Variants in LIPC observed in about 807,000 individuals in gnomAD.
LIPC encodes lipase C, hepatic type.
A neutral mutation model predicts 50.7 loss-of-function variants in LIPC; 44 were observed. The observed-to-expected ratio is 0.87, with a 90% confidence interval of 0.68 to 1.11. LIPC has a LOEUF of 1.11. Among genes scored for constraint, LIPC ranks in the 50% most tolerant of loss-of-function variants. The pLI is 0.00. For synonymous variants in LIPC, 271 were observed against 256.4 expected (o/e 1.06, Z -0.54); for missense variants, 697 against 648.2 (o/e 1.08, Z -0.82).
chr15:58,434,715 C>G (rs1893234563), intron 1 of LIPC, among the ~76,000 whole-genome samples: 2 of 152,226 alleles, frequency 1.3e-5, no homozygotes, highest in Admixed American at 1.3e-4. Context: ...CACTTATGCC[C>G]AGCCCCAATG....
intron 1 of LIPC, among the ~76,000 whole-genome samples, chr15:58,532,405 A>C (rs1472738280): frequency 6.6e-6 from 1 of 152,196 alleles, no homozygotes; most frequent in African/African-American, 2.4e-5. Context: ...TTCCATCCTG[A>C]GCAGAGTACA....
At chr15:58,467,400 T>C (rs1348752863) in intron 1 of LIPC, among the ~76,000 whole-genome samples, 1 of 152,186 alleles carries the variant, frequency 6.6e-6, no homozygotes, top group Non-Finnish European at 1.5e-5. Context: ...TTGCACGTAT[T>C]GGTTTCCGCT....
intron 1 of LIPC, chr15:58,435,887 G>C (rs1383120566): frequency 1.3e-5 from 2 of 152,108 alleles, no homozygotes; most frequent in African/African-American, 4.8e-5. Context: ...CTCCATCCTG[G>C]GCAACAAAGT....
At chr15:58,552,535 T>G (rs563456819) in intron 6 of LIPC, among the ~76,000 whole-genome samples, 1 of 151,762 alleles carries the variant, frequency 6.6e-6, no homozygotes, top group African/African-American at 2.4e-5. Flanking sequence ...CCCTTCCCCC[T>G]CCCCCGCCCC....
chr15:58,460,977 T>A (rs1475427626), intron 1 of LIPC, among the ~76,000 whole-genome samples: 1 of 152,180 alleles, frequency 6.6e-6, no homozygotes, highest in East Asian at 1.9e-4. Flanking sequence ...AAGAGGGGTT[T>A]GTTTGGGGTT....
intron 2 of LIPC, among the ~76,000 whole-genome samples, chr15:58,541,168 G>A (rs972603377): frequency 6.6e-6 from 1 of 152,088 alleles, no homozygotes; most frequent in Non-Finnish European, 1.5e-5. Context: ...TCTTTGCTCT[G>A]TAAATCCATT....
intron 1 of LIPC, among the ~76,000 whole-genome samples, chr15:58,527,355 C>G (rs1169267979): frequency 1.3e-5 from 2 of 152,148 alleles, no homozygotes; most frequent in Non-Finnish European, 2.9e-5. Context: ...CACCAAGCGC[C>G]TCAGGAAAGC....
At chr15:58,550,564 AC>A (rs1462321596) in intron 6 of LIPC, among the ~76,000 whole-genome samples, 1 of 151,924 alleles carries the variant, frequency 6.6e-6, no homozygotes, top group East Asian at 1.9e-4. Context: ...ACCAAAACCA[AC>A]GTACTCATCC....
chr15:58,516,466 A>G (rs181580712), intron 1 of LIPC, among the ~76,000 whole-genome samples: 43 of 152,034 alleles, frequency 2.8e-4, no homozygotes, highest in African/African-American at 9.9e-4. Flanking sequence ...TTACATATAT[A>G]TGAGGCCTCT....
At chr15:58,496,200 G>A (rs961428077) in intron 1 of LIPC, among the ~76,000 whole-genome samples, 1 of 152,118 alleles carries the variant, frequency 6.6e-6, no homozygotes, top group Non-Finnish European at 1.5e-5. Flanking sequence ...GGCACAGCTG[G>A]AGAAGAGGAT....
At chr15:58,523,556 A>G (rs1271430559) in intron 1 of LIPC, among the ~76,000 whole-genome samples, 1 of 152,144 alleles carries the variant, frequency 6.6e-6, no homozygotes, top group Non-Finnish European at 1.5e-5. Context: ...GTAGGTGAAC[A>G]GCATCCAGAG....
At chr15:58,537,658 C>T (rs369555510) in intron 1 of LIPC, among the ~76,000 whole-genome samples, 2 of 152,100 alleles carry the variant, frequency 1.3e-5, no homozygotes, top group East Asian at 3.9e-4. Flanking sequence ...ACCCCCGCAA[C>T]AAAACACACA....
At chr15:58,516,157 A>T (rs1016651758) in intron 1 of LIPC, among the ~76,000 whole-genome samples, 12 of 148,408 alleles carry the variant, frequency 8.1e-5, no homozygotes, top group African/African-American at 2.9e-4. Context: ...GTCTTCTGGT[A>T]GGCCTCGTTT....
intron 1 of LIPC, among the ~76,000 whole-genome samples, chr15:58,454,035 A>G (rs745907145): frequency 4.6e-5 from 7 of 152,206 alleles, no homozygotes; most frequent in Non-Finnish European, 8.8e-5. Flanking sequence ...TGTTTAACCT[A>G]TAAGGAAACA....
intron 2 of LIPC, among the ~76,000 whole-genome samples, chr15:58,541,086 C>G (rs1260784218): frequency 6.6e-6 from 1 of 152,154 alleles, no homozygotes; most frequent in Admixed American, 6.5e-5. Context: ...CAAGCATGAG[C>G]CACCGCGCCC....
chr15:58,453,439 G>A (rs1312759533), intron 1 of LIPC, among the ~76,000 whole-genome samples: 4 of 152,104 alleles, frequency 2.6e-5, no homozygotes, highest in Non-Finnish European at 2.9e-5. Flanking sequence ...GACTAACAAT[G>A]GGAAGAAGAG....
At chr15:58,567,395 C>A (rs4562992) in intron 8 of LIPC, among the ~76,000 whole-genome samples, 84,981 of 140,356 alleles carry the variant, frequency 0.61, 27,275 homozygotes, top group South Asian at 0.73. Flanking sequence ...CAGACAGAGT[C>A]CTTGGTCTCA....
At chr15:58,531,394 C>T (rs1892955878) in intron 1 of LIPC, among the ~76,000 whole-genome samples, 1 of 152,094 alleles carries the variant, frequency 6.6e-6, no homozygotes, top group Non-Finnish European at 1.5e-5. Flanking sequence ...GATTCCAGTA[C>T]AAACGGAAAG....
At chr15:58,517,915 T>G (rs1892533513) in intron 1 of LIPC, among the ~76,000 whole-genome samples, 1 of 152,132 alleles carries the variant, frequency 6.6e-6, no homozygotes. Flanking sequence ...CTCAACAAGG[T>G]CAGACAGCTA....
Sources: allele counts gnomAD v4.1 joint callset (sites outside exome capture counted in the v4.1 genomes callset), GRCh38; gene constraint gnomAD v4.1.1; transcripts MANE v1.5; gene names NCBI Gene and HGNC (gene_info 2026-07-23, HGNC 2026-07-21).